Variants in ITGAM observed in about 807,000 individuals in gnomAD.
ITGAM encodes integrin alpha-M.
In ITGAM, 79 loss-of-function variants were observed where a neutral mutation model predicts 137.5. That is an observed-to-expected ratio of 0.57 (90% confidence interval 0.48 to 0.69). The LOEUF (loss-of-function observed/expected upper bound fraction) is 0.69. ITGAM is among the 30% of genes least tolerant of loss of function. The probability of loss-of-function intolerance (pLI) is 0.00; values close to 1 mark genes in which losing one functional copy is unlikely to be tolerated. For missense variants in ITGAM, 1,343 were observed against 1,483.5 expected (o/e 0.91, Z 1.56); for synonymous variants, 583 against 592.3 (o/e 0.98, Z 0.23).
Position 31,300,744 on chromosome 16 carries a change from C to A in ITGAM, c.1707+2790C>A, listed in dbSNP as rs183636717. Reference sequence around the variant, plus strand: ...TGGCCAACAGGGTAAAACTTCATCTCTACTAAAAATACAAAAATTAGCCGG... The same window carrying A: ...TGGCCAACAGGGTAAAACTTCATCTATACTAAAAATACAAAAATTAGCCGG... On this transcript the variant is annotated intron_variant, in intron 14 of 29. Transcript: ENST00000544665. 2.6e-5 allele frequency among the ~76,000 whole-genome samples: 4 copies of A among 152,246 alleles called. No homozygotes were observed. In the East Asian group the frequency reaches 7.7e-4, roughly 29 times the overall value.
At chr16:31,330,474 G>C in intron 27 of ITGAM, 30 bp from the exon 28 acceptor site, 1 of 1,612,034 alleles carries the variant, frequency 6.2e-7, no homozygotes, top group Non-Finnish European at 8.5e-7. Context: ...TCAGGGCCCA[G>C]GTGCAGTGCC....
intron 14 of ITGAM, among the ~76,000 whole-genome samples, chr16:31,320,151 T>G (rs2080434233): frequency 6.6e-6 from 1 of 152,182 alleles, no homozygotes; most frequent in Non-Finnish European, 1.5e-5. Context: ...TCTAAAGGTA[T>G]TTTCTTTGTG....
In ITGAM at chr16:31,303,216, A is replaced by G. The variant is rs188588796; in HGVS notation, c.1707+5262A>G. ...CTTGGCTAATTTTTCAATTTTTTGT[A>G]GAGATGAAGTCTCACTATGTTGGCC... On this transcript the variant is annotated intron_variant, in intron 14 of 29. Coordinates refer to ENST00000544665, the MANE Select transcript of ITGAM (RefSeq NM_000632.4). Among the ~76,000 whole-genome samples, 437 of 151,702 alleles carry G rather than the reference A, an allele frequency of 2.9e-3. 1 individual carries two copies. The highest frequency in any genetic ancestry group is 9.9e-3 in the African/African-American group (411 of 41,370).
Position 31,330,578 on chromosome 16 carries a change from G to T in ITGAM, c.3249G>T (p.Pro1083=), listed in dbSNP as rs371916201. 9.9e-6 allele frequency: 16 copies of T among 1,611,810 alleles called. No individual in the cohort carries two copies. The African/African-American group carries it at 1.7e-4, about 17-fold the overall frequency. ...LFNDSVFTLL[P]GQGAFVRSQT... ...ACGATTCCGTGTTCACCCTGCTGCCGGGACAGGGGGCGTTTGTGAGGTCCC... is the reference window on the plus strand; with the variant it reads ...ACGATTCCGTGTTCACCCTGCTGCCTGGACAGGGGGCGTTTGTGAGGTCCC... Residue 1083 remains proline, a synonymous_variant, in exon 28 of 30, where the codon CCG becomes CCT. Transcript: ENST00000544665.
rs747914478 is a variant in ITGAM at position 31,271,878 on chromosome 16, G to A, written c.590G>A (p.Arg197Gln). 6 of 1,613,870 alleles carry A rather than the reference G, an allele frequency of 3.7e-6. No individual in the cohort carries two copies. The highest frequency in any genetic ancestry group is 1.3e-5 in the African/African-American group (1 of 74,912). ...FSLMQYSEEF[R>Q]IHFTFKEFQN... ...TTGATGCAGTACTCTGAAGAATTCCGGATTCACTTTACCTTCAAAGAGTTC... is the reference window on the plus strand; with the variant it reads ...TTGATGCAGTACTCTGAAGAATTCCAGATTCACTTTACCTTCAAAGAGTTC... Residue 197 changes from arginine to glutamine, a missense_variant, in exon 7 of 30, where the codon CGG (arginine) becomes CAG (glutamine). Physicochemically the swap from Arg to Gln is conservative, Grantham distance 43 (BLOSUM62 1). Transcript: ENST00000544665.
At chr16:31,260,114 GA>G in intron 1 of ITGAM, 22 bp downstream of exon 1, 1 of 462,514 alleles carries the variant, frequency 2.2e-6, no homozygotes, top group Non-Finnish European at 4.4e-6. Flanking sequence ...TGGGGTGGGG[GA>G]CTCTGGGTGG....
chr16:31,312,192 G>A (rs982095702), intron 14 of ITGAM, among the ~76,000 whole-genome samples: 1 of 148,824 alleles, frequency 6.7e-6, no homozygotes, highest in African/African-American at 2.5e-5. Context: ...GCTAAATGAC[G>A]AGTTAATGGG....
chr16:31,326,896 C>G lies in ITGAM; in HGVS notation c.2669C>G (p.Ser890Cys). 6 of 1,613,564 alleles carry G rather than the reference C, an allele frequency of 3.7e-6. No homozygotes were observed. Among genetic ancestry groups the G allele is most frequent in the East Asian group, 2.2e-5 (1 of 44,884 alleles). Residue 890 changes from serine to cysteine, a missense_variant, in exon 22 of 30, where the codon TCC (serine) becomes TGC (cysteine). Transcript: ENST00000544665. Reference sequence around the variant, plus strand: ...ACGTTTGATGTAGACTCTAAGGCTTCCCTTGGAAACAAACTGCTCCTCAAG... The same window carrying G: ...ACGTTTGATGTAGACTCTAAGGCTTGCCTTGGAAACAAACTGCTCCTCAAG... ...NITFDVDSKASLGNKLLLKAN... is the reference protein window; with the variant it reads ...NITFDVDSKACLGNKLLLKAN...
At chr16:31,321,683 G>A (rs1235909429) in intron 16 of ITGAM, 56 bp downstream of exon 16, 5 of 1,553,214 alleles carry the variant, frequency 3.2e-6, no homozygotes, top group Middle Eastern at 1.8e-4. Flanking sequence ...ATGAATGGGT[G>A]CTGCAATCCA....
chr16:31,298,892 T>C (rs1182485482), intron 14 of ITGAM, among the ~76,000 whole-genome samples: 2 of 152,136 alleles, frequency 1.3e-5, no homozygotes, highest in Non-Finnish European at 2.9e-5. Context: ...ACCTGACAAC[T>C]GTTTTGCTCT....
At chr16:31,263,960 C>T (rs540820251) in intron 2 of ITGAM, among the ~76,000 whole-genome samples, 2 of 151,666 alleles carry the variant, frequency 1.3e-5, no homozygotes, top group Admixed American at 6.6e-5. Flanking sequence ...CTCAGCCTCC[C>T]GAGTAGCTGG....
intron 14 of ITGAM, among the ~76,000 whole-genome samples, chr16:31,303,811 A>AT (rs1194324532): frequency 2.0e-5 from 3 of 152,168 alleles, no homozygotes; most frequent in African/African-American, 7.2e-5. Context: ...CTGTGTATAT[A>AT]TACACATATA....
At chr16:31,316,542 T>C (rs2080394542) in intron 14 of ITGAM, among the ~76,000 whole-genome samples, 1 of 152,096 alleles carries the variant, frequency 6.6e-6, no homozygotes, top group African/African-American at 2.4e-5. Flanking sequence ...TGATGTCAGG[T>C]AGTGTGATAC....
At chr16:31,328,769 T>C (rs1239115572) in intron 23 of ITGAM, among the ~76,000 whole-genome samples, 5 of 141,212 alleles carry the variant, frequency 3.5e-5, no homozygotes, top group African/African-American at 1.4e-4. Context: ...TGCATGCGTG[T>C]GCGCATGGGT....
chr16:31,264,901 C>T (rs1199122738), intron 2 of ITGAM, among the ~76,000 whole-genome samples: 4 of 152,010 alleles, frequency 2.6e-5, no homozygotes, highest in Admixed American at 6.6e-5. Flanking sequence ...AGAGTCTTGC[C>T]CTGTCTCTCA....
intron 3 of ITGAM, 28 bp from the exon 4 acceptor site, chr16:31,265,783 G>A: frequency 6.2e-7 from 1 of 1,607,016 alleles, no homozygotes; most frequent in Non-Finnish European, 8.5e-7. Context: ...CCCCACCAGG[G>A]TGACCATGCC....
chr16:31,297,680 G>T, intron 13 of ITGAM, 26 bp downstream of exon 13: 1 of 1,606,610 alleles, frequency 6.2e-7, no homozygotes, highest in Non-Finnish European at 8.5e-7. Context: ...ACCTGGGCTG[G>T]GTGGGGCCCG....
At position 31,297,630 on chromosome 16, in the gene ITGAM, G is replaced by T. The variant is rs1257504909; in HGVS notation, c.1473G>T (p.Val491=). 6.2e-7 allele frequency: 1 copy of T among 1,613,520 alleles called. No individual in the cohort carries two copies. Among genetic ancestry groups the T allele is most frequent in the Non-Finnish European group, 8.5e-7 (1 of 1,179,944 alleles). Residue 491 remains valine, a synonymous_variant, in exon 13 of 30, where the codon GTG becomes GTT. Coordinates refer to ENST00000544665, the MANE Select transcript of ITGAM (RefSeq NM_000632.4). ...ACGAGCAGACCCGAGGGGGCCAGGT[G>T]TCCGTGTGCCCCTTGCCCAGGGGGG... ...HYYEQTRGGQ[V]SVCPLPRGRA... is the part of the protein sequence containing the mutation.
At chr16:31,280,588 A>G (rs996225648) in intron 12 of ITGAM, among the ~76,000 whole-genome samples, 1 of 152,170 alleles carries the variant, frequency 6.6e-6, no homozygotes, top group Non-Finnish European at 1.5e-5. Flanking sequence ...CACTGATTTT[A>G]TATCCTGAGA....
Sources: gnomAD v4.1 joint callset for allele counts (sites outside exome capture counted in the v4.1 genomes callset) on GRCh38, gnomAD v4.1.1 for gene constraint, MANE v1.5 for transcripts, NCBI Gene and HGNC (gene_info 2026-07-23, HGNC 2026-07-21) for gene names.